The following DISC1 variants were observed in gnomAD, a reference collection of about 807,000 sequenced individuals.
The protein encoded by DISC1 is disrupted in schizophrenia 1 protein.
Under a neutral mutation model 84.5 loss-of-function variants are expected in DISC1, and 57 were observed. That is an observed-to-expected ratio of 0.67 (90% CI 0.55 to 0.84). The LOEUF is 0.84. Among genes scored for constraint, DISC1 ranks in the 40% least tolerant of loss-of-function variants. DISC1 has a pLI of 0.00. For missense variants in DISC1, 1,000 were observed against 1,057.8 expected, an observed-to-expected ratio of 0.95 and a Z score of 0.76; for synonymous variants, 411 against 415.2, an observed-to-expected ratio of 0.99 and a Z score of 0.12.
chr1:232,023,459 A>G (rs1394276305), intron 11 of DISC1, among the ~76,000 whole-genome samples: 2 of 152,198 alleles, frequency 1.3e-5, no homozygotes, highest in East Asian at 3.8e-4. Flanking sequence ...TTCAATTTAA[A>G]TGAACAAATT....
At chr1:231,705,180 C>T (rs1032617388) in intron 3 of DISC1, among the ~76,000 whole-genome samples, 4 of 148,150 alleles carry the variant, frequency 2.7e-5, no homozygotes, top group South Asian at 2.1e-4. Flanking sequence ...CCCAGCTACT[C>T]GGGAGGCTGA....
chr1:231,627,719 G>C (rs1483460521), intron 1 of DISC1, among the ~76,000 whole-genome samples: 1 of 152,226 alleles, frequency 6.6e-6, no homozygotes, highest in East Asian at 1.9e-4. Flanking sequence ...GTTCTTGCTG[G>C]GTGAGGACAG....
intron 4 of DISC1, among the ~76,000 whole-genome samples, chr1:231,756,171 C>T (rs1452486981): frequency 6.6e-6 from 1 of 152,208 alleles, no homozygotes; most frequent in East Asian, 1.9e-4. Context: ...CTTGCTCATG[C>T]CCCATTGTTG....
intron 1 of DISC1, among the ~76,000 whole-genome samples, chr1:231,661,912 A>G (rs148849412): frequency 9.9e-5 from 15 of 152,242 alleles, no homozygotes; most frequent in African/African-American, 3.1e-4. Context: ...TGGCCTTTCA[A>G]TAGGGTTTTG....
At chr1:231,775,233 A>G (rs146848480) in intron 6 of DISC1, among the ~76,000 whole-genome samples, 1 of 152,336 alleles carries the variant, frequency 6.6e-6, no homozygotes, top group East Asian at 1.9e-4. Flanking sequence ...TGCAATTGCA[A>G]TATGCTTTGT....
At chr1:231,633,588 C>A (rs1256618790) in intron 1 of DISC1, among the ~76,000 whole-genome samples, 1 of 152,156 alleles carries the variant, frequency 6.6e-6, no homozygotes, top group Non-Finnish European at 1.5e-5. Context: ...GCCTAGATAG[C>A]TTCTTTGCAG....
chr1:232,014,033 G>A (rs532188708), intron 11 of DISC1, among the ~76,000 whole-genome samples: 86 of 152,258 alleles, frequency 5.6e-4, no homozygotes, highest in African/African-American at 2.0e-3. Context: ...GTCACACTTA[G>A]GGGTATCATA....
intron 3 of DISC1, among the ~76,000 whole-genome samples, chr1:231,732,880 G>A (rs1267158445): frequency 5.2e-5 from 5 of 97,018 alleles, no homozygotes; most frequent in Non-Finnish European, 1.1e-4. Flanking sequence ...ATGATAGTAC[G>A]TGTGAGAGAT....
At chr1:231,941,336 C>T (rs2091328662) in intron 9 of DISC1, among the ~76,000 whole-genome samples, 3 of 152,090 alleles carry the variant, frequency 2.0e-5, no homozygotes, top group Non-Finnish European at 4.4e-5. Context: ...AGAGGCTTTC[C>T]TACCTTCCTT....
intron 3 of DISC1, among the ~76,000 whole-genome samples, chr1:231,728,028 G>A (rs2070980343): frequency 6.6e-6 from 1 of 151,948 alleles, no homozygotes; most frequent in South Asian, 2.1e-4. Flanking sequence ...ATGAATCCAG[G>A]ACTAAAATCT....
rs142389554 is a variant in DISC1 at position 231,876,184 on chromosome 1, T to C, written c.1981+57667T>C. ...ATCATGAGGGTGGATCCTTCATGAA[T>C]AGTTTAGCACTATCCCCCGCATTGT... is the stretch of plus-strand genomic sequence containing the variant. On this transcript the variant is annotated intron_variant, in intron 9 of 12. Transcript: ENST00000439617. Among the ~76,000 whole-genome samples the C allele has an allele frequency of 2.7e-3, 407 of 152,298 alleles. 3 individuals carry two copies. Among genetic ancestry groups the C allele is most frequent in the African/African-American group, 9.3e-3 (387 of 41,552 alleles).
intron 9 of DISC1, among the ~76,000 whole-genome samples, chr1:231,944,695 T>C (rs1376488254): frequency 2.0e-5 from 3 of 152,100 alleles, no homozygotes; most frequent in Admixed American, 2.0e-4. Flanking sequence ...CCCTGCACCC[T>C]CAGGCCTAGG....
intron 10 of DISC1, among the ~76,000 whole-genome samples, chr1:231,969,733 A>C (rs1226237866): frequency 4.0e-5 from 6 of 151,634 alleles, no homozygotes. Context: ...ATATCTCCTA[A>C]TGCTATCCCT....
Position 231,719,141 on chromosome 1 carries a change from A to G in DISC1, c.1117+17117A>G, listed in dbSNP as rs111714220. On this transcript the variant is annotated intron_variant, in intron 3 of 12. Transcript: ENST00000439617. ...CCCTGTCTCCAAAAAAACAAAAAAG[A>G]CTTGGTTTCAGTGCCCCTTCTTTTG... is the stretch of plus-strand genomic sequence containing the variant. 4.2e-3 allele frequency among the ~76,000 whole-genome samples: 642 copies of G among 152,254 alleles called. 4 individuals carry two copies. Among genetic ancestry groups the G allele is most frequent in the African/African-American group, 0.014 (585 of 41,538 alleles).
chr1:231,695,817 C>G (rs78982262), intron 2 of DISC1, among the ~76,000 whole-genome samples: 182 of 152,176 alleles, frequency 1.2e-3, no homozygotes, highest in Non-Finnish European at 1.8e-3. Flanking sequence ...GCTCATTCCC[C>G]GAAAGAGCAT....
At chr1:231,723,203 G>A (rs2070106720) in intron 3 of DISC1, 4 of 875,438 alleles carry the variant, frequency 4.6e-6, no homozygotes, top group Non-Finnish European at 5.5e-6. Flanking sequence ...TTTGATTCAT[G>A]TTGGATTAAG....
At chr1:231,903,013 C>T (rs935782302) in intron 9 of DISC1, among the ~76,000 whole-genome samples, 2 of 151,900 alleles carry the variant, frequency 1.3e-5, no homozygotes, top group African/African-American at 4.8e-5. Flanking sequence ...TTCTTCTTCT[C>T]CTTCTCCTCT....
chr1:231,931,495 T>C (rs375683639), intron 9 of DISC1, among the ~76,000 whole-genome samples: 50 of 152,288 alleles, frequency 3.3e-4, no homozygotes, highest in African/African-American at 1.2e-3. Flanking sequence ...TCAATAAATA[T>C]TTGTGGACTC....
At chr1:232,003,092 AT>A (rs1484283471) in intron 10 of DISC1, among the ~76,000 whole-genome samples, 1 of 152,158 alleles carries the variant, frequency 6.6e-6, no homozygotes, top group South Asian at 2.1e-4. Context: ...AAAGAAGGGA[AT>A]TTTTTTAATT....
Sources: gnomAD v4.1 joint callset for allele counts (sites outside exome capture counted in the v4.1 genomes callset) on GRCh38, gnomAD v4.1.1 for gene constraint, MANE v1.5 for transcripts, NCBI Gene and HGNC (gene_info 2026-07-23, HGNC 2026-07-21) for gene names.